The following SINHCAF variants were observed in gnomAD, a reference collection of about 807,000 sequenced individuals.
SINHCAF encodes SIN3-HDAC complex-associated factor.
Under a neutral mutation model 25.8 loss-of-function variants are expected in SINHCAF, and 3 were observed. The ratio of observed to expected loss-of-function variants is 0.12; its 90% CI spans 0.05 to 0.30. The LOEUF (loss-of-function observed/expected upper bound fraction) is 0.30. Among genes scored for constraint, SINHCAF ranks in the 10% least tolerant of loss-of-function variants. SINHCAF has a pLI of 1.00. For synonymous variants in SINHCAF, 70 were observed against 85.5 expected, an observed-to-expected ratio of 0.82 and a Z score of 1.00; for missense variants, 121 against 262.3, an observed-to-expected ratio of 0.46 and a Z score of 3.72.
intron 1 of SINHCAF, among the ~76,000 whole-genome samples, chr12:31,308,427 A>C (rs1304997980): frequency 6.6e-6 from 1 of 152,218 alleles, no homozygotes; most frequent in Non-Finnish European, 1.5e-5. Flanking sequence ...AGGAAGCATC[A>C]AAAAAGCTAA....
chr12:31,298,607 T>C (rs1938646612), intron 1 of SINHCAF: 1 of 246,060 alleles, frequency 4.1e-6, no homozygotes, highest in African/African-American at 2.3e-5. Flanking sequence ...CACACCTTTT[T>C]ATTTTGCACA....
At position 31,282,641 on chromosome 12, in the gene SINHCAF, G is replaced by C. The variant is rs970066703; in HGVS notation, c.*71C>G. The C allele has an allele frequency of 2.6e-5, 35 of 1,361,224 alleles. No homozygotes were observed. Among genetic ancestry groups the C allele is most frequent in the Non-Finnish European group, 3.0e-5 (30 of 1,007,754 alleles). The allele number at this position is 1,361,224 out of a possible 1,614,324, so 84.3% of individuals were successfully genotyped here. A position where few individuals can be genotyped will look rare whatever the true frequency, so the allele number is the denominator to read the frequency against. ...CCGTCTCAAAAAAAAAAGAGGGTCA[G>C]TTTGTAGCTTTGTGGTTTTTCAAAA... On this transcript the variant is annotated 3_prime_UTR_variant, in exon 6 of 6. Coordinates refer to ENST00000337682, the MANE Select transcript of SINHCAF (RefSeq NM_001135812.2).
chr12:31,321,944 T>G (rs568078539), intron 1 of SINHCAF, among the ~76,000 whole-genome samples: 1 of 152,244 alleles, frequency 6.6e-6, no homozygotes, highest in South Asian at 2.1e-4. Context: ...TGTCTGAGTT[T>G]GAGCCCTATG....
rs982503858 is a variant in SINHCAF at position 31,310,922 on chromosome 12, T to G, written c.-20-12698A>C. On this transcript the variant is annotated intron_variant, in intron 1 of 5. Coordinates refer to ENST00000337682, the MANE Select transcript of SINHCAF (RefSeq NM_001135812.2). The stretch of plus-strand genomic sequence containing the variant: ...GTCTCACTCTGTCGCCAGGCTGGAG[T>G]GCAGTGGTACAATCTCCGCTCATTG... Among the ~76,000 whole-genome samples the G allele has an allele frequency of 2.0e-5, 3 of 148,552 alleles. No homozygotes were observed. In the Admixed American group the frequency reaches 2.1e-4, roughly 10 times the overall value.
intron 5 of SINHCAF, among the ~76,000 whole-genome samples, chr12:31,284,953 A>G (rs1336712884): frequency 6.6e-6 from 1 of 152,132 alleles, no homozygotes; most frequent in South Asian, 2.1e-4. Context: ...ATAAATTATA[A>G]ATTAGCTTGT....
intron 1 of SINHCAF, among the ~76,000 whole-genome samples, chr12:31,323,573 G>A (rs750790380): frequency 2.0e-5 from 3 of 152,216 alleles, no homozygotes; most frequent in Admixed American, 1.3e-4. Context: ...GAAGGTTACA[G>A]GAAGAAAATA....
At chr12:31,284,622 G>A (rs1311279569) in intron 5 of SINHCAF, among the ~76,000 whole-genome samples, 1 of 151,974 alleles carries the variant, frequency 6.6e-6, no homozygotes, top group Non-Finnish European at 1.5e-5. Flanking sequence ...TTTGTCTATG[G>A]TGTGAGGTAG....
chr12:31,307,082 G>T lies in SINHCAF; in HGVS notation c.-20-8858C>A, dbSNP rs1939056784. On this transcript the variant is annotated intron_variant, in intron 1 of 5. Coordinates refer to ENST00000337682, the MANE Select transcript of SINHCAF (RefSeq NM_001135812.2). ...GTGTGTCATCAGGATGAAGTAATGA[G>T]AGGTCTTATCAGAAGACTGGCCAGG... 2.0e-5 allele frequency among the ~76,000 whole-genome samples: 3 copies of T among 152,098 alleles called. No individual in the cohort carries two copies. In the South Asian group the frequency reaches 6.2e-4, roughly 31 times the overall value.
chr12:31,287,824 T>G, intron 4 of SINHCAF, 40 bp from the exon 5 acceptor site: 1 of 1,472,438 alleles, frequency 6.8e-7, no homozygotes, highest in Non-Finnish European at 9.3e-7. Flanking sequence ...ATTTTCAATT[T>G]CATTACATGT....
chr12:31,320,270 G>A (rs1292355247), intron 1 of SINHCAF, among the ~76,000 whole-genome samples: 1 of 152,156 alleles, frequency 6.6e-6, no homozygotes, highest in East Asian at 1.9e-4. Flanking sequence ...TGATATTCTA[G>A]GAGTGTCAAA....
chr12:31,295,430 G>A (rs925943397), intron 2 of SINHCAF, 97 bp from the exon 3 acceptor site: 13 of 744,742 alleles, frequency 1.7e-5, no homozygotes, highest in African/African-American at 1.6e-4. Context: ...TCTATGTATG[G>A]TTTATAGATA....
intron 1 of SINHCAF, among the ~76,000 whole-genome samples, chr12:31,300,110 G>A (rs1399309426): frequency 1.3e-5 from 2 of 152,094 alleles, no homozygotes; most frequent in Admixed American, 6.5e-5. Flanking sequence ...TCCAATTCTG[G>A]TTAGTATAAT....
intron 1 of SINHCAF, 132 bp from the exon 2 acceptor site, chr12:31,298,356 G>T: frequency 1.0e-6 from 1 of 959,190 alleles, no homozygotes; most frequent in African/African-American, 1.6e-5. Flanking sequence ...CAGCTCAAGG[G>T]AAGACCTCCT....
At chr12:31,288,579 C>T (rs1234072304) in intron 4 of SINHCAF, among the ~76,000 whole-genome samples, 1 of 152,206 alleles carries the variant, frequency 6.6e-6, no homozygotes. Context: ...CTCCCCCCAA[C>T]CTCAGATGTC....
intron 5 of SINHCAF, among the ~76,000 whole-genome samples, chr12:31,284,500 T>G (rs1937950411): frequency 6.6e-6 from 1 of 152,210 alleles, no homozygotes; most frequent in Non-Finnish European, 1.5e-5. Context: ...ATAATTATAA[T>G]GTAATTAAAC....
chr12:31,285,626 A>G (rs1245766763), intron 5 of SINHCAF, among the ~76,000 whole-genome samples: 1 of 152,080 alleles, frequency 6.6e-6, no homozygotes, highest in Non-Finnish European at 1.5e-5. Context: ...AACCTTAAAC[A>G]AAGTACTTCC....
intron 1 of SINHCAF, among the ~76,000 whole-genome samples, chr12:31,310,845 G>A (rs532943611): frequency 2.0e-5 from 3 of 151,334 alleles, no homozygotes; most frequent in Admixed American, 1.3e-4. Context: ...TGGCAGCATC[G>A]CTGGATTTTA....
chr12:31,313,790 A>G (rs1032019579), intron 1 of SINHCAF, among the ~76,000 whole-genome samples: 3 of 152,090 alleles, frequency 2.0e-5, no homozygotes, highest in Admixed American at 6.5e-5. Context: ...CTGGGATTAC[A>G]GGTGCCCACC....
intron 1 of SINHCAF, among the ~76,000 whole-genome samples, chr12:31,299,816 A>G (rs11051381): frequency 0.14 from 21,199 of 152,190 alleles, 2,025 homozygotes; most frequent in Non-Finnish European, 0.21. Flanking sequence ...GTGTCCTCAC[A>G]TAAACCAAGA....
Sources: allele counts gnomAD v4.1 joint callset (sites outside exome capture counted in the v4.1 genomes callset), GRCh38; gene constraint gnomAD v4.1.1; transcripts MANE v1.5; gene names NCBI Gene and HGNC (gene_info 2026-07-23, HGNC 2026-07-21).